Variants in CFAP61 observed in about 807,000 individuals in gnomAD.
CFAP61 encodes the protein cilia and flagella associated protein 61.
Under a neutral mutation model 135.6 loss-of-function variants are expected in CFAP61, and 107 were observed. The ratio of observed to expected loss-of-function variants is 0.79; its 90% CI spans 0.67 to 0.93. The LOEUF (loss-of-function observed/expected upper bound fraction) is 0.93, where lower values mean the gene tolerates loss of function less well. CFAP61 is among the 40% of genes least tolerant of loss of function. The probability of loss-of-function intolerance (pLI) is 0.00; values close to 1 mark genes in which losing one functional copy is unlikely to be tolerated. For missense variants in CFAP61, 1,507 were observed against 1,556.2 expected, an observed-to-expected ratio of 0.97 and a Z score of 0.53; for synonymous variants, 575 against 578.5, an observed-to-expected ratio of 0.99 and a Z score of 0.09.
chr20:20,231,126 G>T (rs372544000), intron 18 of CFAP61, among the ~76,000 whole-genome samples: 1 of 152,210 alleles, frequency 6.6e-6, no homozygotes, highest in Non-Finnish European at 1.5e-5. Flanking sequence ...TACTGGGAGA[G>T]CTGAAGTGCT....
intron 3 of CFAP61, among the ~76,000 whole-genome samples, chr20:20,072,114 T>G (rs1250768752): frequency 1.1e-5 from 1 of 89,020 alleles, no homozygotes; most frequent in Non-Finnish European, 2.0e-5. Flanking sequence ...TTTTTTTTTT[T>G]TTTTTTTTTT....
chr20:20,128,100 G>A (rs1276433785), intron 8 of CFAP61, among the ~76,000 whole-genome samples: 2 of 151,676 alleles, frequency 1.3e-5, no homozygotes. Flanking sequence ...CTTGCCCCAG[G>A]CTGCCCACCT....
rs1376180124 is a variant in CFAP61 at position 20,333,534 on chromosome 20, A to T, written c.3423-8297A>T. Among the ~76,000 whole-genome samples, 3 of 152,234 alleles carry T rather than the reference A, an allele frequency of 2.0e-5. No individual in the cohort carries two copies. In the East Asian group the frequency reaches 5.8e-4, roughly 29 times the overall value. ...CTTTGTTTAGTCAACTTGCATCCTG[A>T]GAATGGATCACCAACTCAGCCCATA... is the stretch of plus-strand genomic sequence containing the variant. On this transcript the variant is annotated intron_variant, in intron 25 of 26. Transcript: ENST00000245957.
At chr20:20,358,426 C>G (rs938486662) in intron 26 of CFAP61, among the ~76,000 whole-genome samples, 2 of 152,174 alleles carry the variant, frequency 1.3e-5, no homozygotes, top group Non-Finnish European at 2.9e-5. Context: ...AGTGTCAGAA[C>G]AGCAGCATAC....
At chr20:20,318,994 G>A (rs1192988027) in intron 25 of CFAP61, among the ~76,000 whole-genome samples, 1 of 152,222 alleles carries the variant, frequency 6.6e-6, no homozygotes, top group Non-Finnish European at 1.5e-5. Context: ...GGGCAGAAAT[G>A]CAGGGTGTAA....
At chr20:20,179,057 G>C (rs1035041331) in intron 13 of CFAP61, among the ~76,000 whole-genome samples, 3 of 152,048 alleles carry the variant, frequency 2.0e-5, no homozygotes, top group African/African-American at 7.3e-5. Context: ...GACATAAAGG[G>C]CATCCAGATA....
At chr20:20,132,652 ATC>A (rs1378670884) in intron 8 of CFAP61, among the ~76,000 whole-genome samples, 2 of 152,036 alleles carry the variant, frequency 1.3e-5, no homozygotes, top group Non-Finnish European at 2.9e-5. Context: ...TAGGCTGTCT[ATC>A]ATTTTTTTCA....
intron 8 of CFAP61, among the ~76,000 whole-genome samples, chr20:20,111,887 A>T (rs1303598666): frequency 6.6e-6 from 1 of 152,124 alleles, no homozygotes. Flanking sequence ...ATCTAAGGTT[A>T]GTAGTTTTTT....
chr20:20,144,199 A>G (rs1264946193), intron 9 of CFAP61, among the ~76,000 whole-genome samples: 1 of 152,244 alleles, frequency 6.6e-6, no homozygotes, highest in African/African-American at 2.4e-5. Flanking sequence ...TGTGGAATCC[A>G]ATAAAGAATT....
intron 2 of CFAP61, among the ~76,000 whole-genome samples, chr20:20,063,545 A>G (rs576274381): frequency 6.6e-6 from 1 of 152,228 alleles, no homozygotes; most frequent in African/African-American, 2.4e-5. Flanking sequence ...ATAAAATGCA[A>G]TATTCTTAGT....
rs944028126 is a variant in CFAP61, at chr20:20,188,938, A to G, written c.1512+882A>G. Among the ~76,000 whole-genome samples the G allele has an allele frequency of 2.0e-5, 3 of 152,034 alleles. No individual in the cohort carries two copies. The East Asian group carries it at 5.8e-4, about 29-fold the overall frequency. ...AGAGATTGGCTATGCCTGTTTTTGA[A>G]CTCTACATAAATGGAATCACACCGT... On this transcript the variant is annotated intron_variant, in intron 14 of 26. Coordinates refer to ENST00000245957, the MANE Select transcript of CFAP61 (RefSeq NM_015585.4).
chr20:20,195,585 G>T (rs538310490), intron 15 of CFAP61, among the ~76,000 whole-genome samples: 1 of 151,434 alleles, frequency 6.6e-6, no homozygotes. Flanking sequence ...GGACAGAGGG[G>T]GGACCAGAAC....
At position 20,250,089 on chromosome 20, in the gene CFAP61, G is replaced by T. The variant is rs570108358; in HGVS notation, c.2160-1506G>T. On this transcript the variant is annotated intron_variant, in intron 19 of 26. Transcript: ENST00000245957. ...TTCACAGAGCCCTTTCACAGGTCCTGTAACAAGGTCTAATATGCCCCCATG... is the reference window on the plus strand; with the variant it reads ...TTCACAGAGCCCTTTCACAGGTCCTTTAACAAGGTCTAATATGCCCCCATG... Among the ~76,000 whole-genome samples, 14 of 152,300 alleles carry T rather than the reference G, an allele frequency of 9.2e-5. No homozygotes were observed. The South Asian group carries it at 2.9e-3, about 32-fold the overall frequency.
At chr20:20,190,494 T>A (rs2055843816) in intron 14 of CFAP61, among the ~76,000 whole-genome samples, 1 of 152,172 alleles carries the variant, frequency 6.6e-6, no homozygotes, top group South Asian at 2.1e-4. Context: ...ACTCAAGGGA[T>A]GTTGTGGTAT....
At chr20:20,239,542 A>G (rs2049860451) in intron 18 of CFAP61, among the ~76,000 whole-genome samples, 1 of 152,240 alleles carries the variant, frequency 6.6e-6, no homozygotes, top group African/African-American at 2.4e-5. Context: ...TACTATGCAG[A>G]GGCGATATTT....
At chr20:20,301,325 A>T (rs2056080509) in intron 25 of CFAP61, among the ~76,000 whole-genome samples, 1 of 152,216 alleles carries the variant, frequency 6.6e-6, no homozygotes. Flanking sequence ...ACAAGTTTGT[A>T]ACCTAGGAGC....
chr20:20,306,737 G>A (rs895811064), intron 25 of CFAP61, among the ~76,000 whole-genome samples: 4 of 152,102 alleles, frequency 2.6e-5, no homozygotes, highest in African/African-American at 7.2e-5. Context: ...CCCTTTCCAG[G>A]CAGGCAGAGG....
chr20:20,067,571 T>G (rs2045365944), intron 2 of CFAP61, among the ~76,000 whole-genome samples: 1 of 149,794 alleles, frequency 6.7e-6, no homozygotes, highest in South Asian at 2.1e-4. Context: ...GAACCCTGGA[T>G]GGGGAGGTTG....
At chr20:20,239,000 T>C (rs540822462) in intron 18 of CFAP61, among the ~76,000 whole-genome samples, 1 of 152,218 alleles carries the variant, frequency 6.6e-6, no homozygotes, top group African/African-American at 2.4e-5. Flanking sequence ...ATTTTGGAGC[T>C]GAGGGCTCAC....
Sources: gnomAD v4.1 joint callset for allele counts (sites outside exome capture counted in the v4.1 genomes callset) on GRCh38, gnomAD v4.1.1 for gene constraint, MANE v1.5 for transcripts, NCBI Gene and HGNC (gene_info 2026-07-23, HGNC 2026-07-21) for gene names.